The following NPAS3 variants were observed in gnomAD, a reference collection of about 807,000 sequenced individuals.
NPAS3 encodes the protein neuronal PAS domain-containing protein 3.
NPAS3 carries 14 observed loss-of-function variants against 73.1 expected under a neutral mutation model. The observed-to-expected ratio is 0.19, with a 90% CI of 0.13 to 0.30. NPAS3 has a LOEUF of 0.30. Among genes scored for constraint, NPAS3 ranks in the 10% least tolerant of loss-of-function variants. The pLI is 1.00. For missense variants in NPAS3, 1,096 were observed against 1,250.0 expected (o/e 0.88, Z 1.86); for synonymous variants, 620 against 541.5 (o/e 1.14, Z -2.01).
chr14:33,530,969 T>A (rs963032043), intron 4 of NPAS3, among the ~76,000 whole-genome samples: 3 of 152,086 alleles, frequency 2.0e-5, no homozygotes, highest in Non-Finnish European at 2.9e-5. Context: ...ATGGGAAATA[T>A]TCTCTGTATG....
At chr14:33,122,863 C>T (rs373431992) in intron 2 of NPAS3, among the ~76,000 whole-genome samples, 10 of 152,032 alleles carry the variant, frequency 6.6e-5, no homozygotes, top group South Asian at 2.1e-4. Flanking sequence ...TTGAAGAAGT[C>T]GGTAAGAGAT....
chr14:33,742,234 C>T (rs2061673534), intron 7 of NPAS3, among the ~76,000 whole-genome samples: 1 of 152,154 alleles, frequency 6.6e-6, no homozygotes, highest in African/African-American at 2.4e-5. Context: ...GCAGACACCC[C>T]ACATTTCTGT....
chr14:33,492,931 A>G (rs2051975024), intron 4 of NPAS3, among the ~76,000 whole-genome samples: 1 of 152,140 alleles, frequency 6.6e-6, no homozygotes, highest in South Asian at 2.1e-4. Context: ...CTGTCACTAT[A>G]TTTGTTAGAA....
intron 5 of NPAS3, among the ~76,000 whole-genome samples, chr14:33,616,506 C>T (rs2057923776): frequency 6.6e-6 from 1 of 152,150 alleles, no homozygotes; most frequent in East Asian, 1.9e-4. Flanking sequence ...AGCTGTCAGA[C>T]TCTGAAATCA....
intron 4 of NPAS3, among the ~76,000 whole-genome samples, chr14:33,372,777 T>G (rs1247957157): frequency 6.6e-6 from 1 of 152,132 alleles, no homozygotes; most frequent in Non-Finnish European, 1.5e-5. Flanking sequence ...TTTTATAAAT[T>G]AGATGAAGAA....
intron 1 of NPAS3, among the ~76,000 whole-genome samples, chr14:32,985,624 AAAAAC>A (rs1261967236): frequency 6.6e-6 from 1 of 152,202 alleles, no homozygotes; most frequent in Non-Finnish European, 1.5e-5. Context: ...ATTATGTTTA[AAAAAC>A]AAAACAAAAC....
intron 2 of NPAS3, among the ~76,000 whole-genome samples, chr14:33,139,082 G>T (rs546857587): frequency 6.6e-6 from 1 of 152,246 alleles, no homozygotes; most frequent in South Asian, 2.1e-4. Flanking sequence ...ACTCCCAGTG[G>T]TTGGGAACTT....
intron 6 of NPAS3, among the ~76,000 whole-genome samples, chr14:33,678,322 G>A (rs2059827715): frequency 6.6e-6 from 1 of 152,120 alleles, no homozygotes; most frequent in Non-Finnish European, 1.5e-5. Flanking sequence ...ACTGATCCAA[G>A]GTCTGCCCTC....
chr14:33,486,739 C>A (rs1478426830), intron 4 of NPAS3, among the ~76,000 whole-genome samples: 2 of 152,200 alleles, frequency 1.3e-5, no homozygotes, highest in African/African-American at 4.8e-5. Context: ...AGACTTGGCC[C>A]CTCCTCAGGC....
chr14:33,671,274 G>C (rs997797449), intron 5 of NPAS3, among the ~76,000 whole-genome samples: 5 of 152,078 alleles, frequency 3.3e-5, no homozygotes, highest in Non-Finnish European at 4.4e-5. Context: ...TGACATGCTT[G>C]CTTGATGTAT....
chr14:33,539,318 G>T (rs1566983702), intron 4 of NPAS3, among the ~76,000 whole-genome samples: 1 of 152,078 alleles, frequency 6.6e-6, no homozygotes, highest in African/African-American at 2.4e-5. Context: ...AAATTGGAGA[G>T]ATATGAACAT....
At chr14:33,304,471 G>A (rs1224143149) in intron 3 of NPAS3, among the ~76,000 whole-genome samples, 1 of 151,658 alleles carries the variant, frequency 6.6e-6, no homozygotes, top group African/African-American at 2.4e-5. Flanking sequence ...ACAGTAGGGT[G>A]TAGGTGGTTG....
At chr14:33,609,873 C>T (rs552308397) in intron 5 of NPAS3, among the ~76,000 whole-genome samples, 1 of 152,236 alleles carries the variant, frequency 6.6e-6, no homozygotes, top group South Asian at 2.1e-4. Context: ...CCCCAGATGT[C>T]CTAATGCCAG....
chr14:33,237,214 C>T (rs1033711397), intron 3 of NPAS3, among the ~76,000 whole-genome samples: 1 of 151,978 alleles, frequency 6.6e-6, no homozygotes, highest in Non-Finnish European at 1.5e-5. Flanking sequence ...GTCTTGACGC[C>T]ACATTCTTTA....
chr14:33,458,689 T>A (rs1310275961), intron 4 of NPAS3, among the ~76,000 whole-genome samples: 1 of 152,220 alleles, frequency 6.6e-6, no homozygotes, highest in Non-Finnish European at 1.5e-5. Context: ...AAATTTAAAC[T>A]GTATGCTTTG....
chr14:33,260,823 G>C (rs1025329164), intron 3 of NPAS3, among the ~76,000 whole-genome samples: 2 of 151,804 alleles, frequency 1.3e-5, no homozygotes, highest in African/African-American at 4.8e-5. Context: ...CTTCTTCTTG[G>C]TCATTTTTTC....
intron 1 of NPAS3, among the ~76,000 whole-genome samples, chr14:32,952,029 G>A (rs923444545): frequency 1.3e-5 from 2 of 151,768 alleles, no homozygotes; most frequent in Admixed American, 6.6e-5. Context: ...TACTTAATAG[G>A]TATTGCATGT....
chr14:33,178,758 CTG>C (rs2045689363), intron 2 of NPAS3, among the ~76,000 whole-genome samples: 2 of 152,124 alleles, frequency 1.3e-5, no homozygotes, highest in Admixed American at 1.3e-4. Flanking sequence ...ATCATGTCAT[CTG>C]TGAACAAAGA....
chr14:32,942,819 A>G (rs1019942986), intron 1 of NPAS3, among the ~76,000 whole-genome samples: 3 of 152,226 alleles, frequency 2.0e-5, no homozygotes, highest in South Asian at 4.1e-4. Context: ...TGCTTAAATG[A>G]TAATCGAAAA....
Sources: gnomAD v4.1 joint callset for allele counts (sites outside exome capture counted in the v4.1 genomes callset) on GRCh38, gnomAD v4.1.1 for gene constraint, MANE v1.5 for transcripts, NCBI Gene and HGNC (gene_info 2026-07-23, HGNC 2026-07-21) for gene names.